Variants in KCNQ5 observed in about 807,000 individuals in gnomAD.
KCNQ5 encodes potassium voltage-gated channel subfamily Q member 5, also known as potassium voltage-gated channel subfamily KQT member 5.
A neutral mutation model predicts 98.2 loss-of-function variants in KCNQ5; 30 were observed. The observed-to-expected ratio is 0.31, with a 90% confidence interval of 0.23 to 0.41. The LOEUF (loss-of-function observed/expected upper bound fraction) is 0.41, where lower values mean the gene tolerates loss of function less well. KCNQ5 is among the 10% of genes least tolerant of loss of function. The pLI is 1.00. For missense variants in KCNQ5, 835 were observed against 1,182.5 expected (o/e 0.71, Z 4.31); for synonymous variants, 458 against 449.4 (o/e 1.02, Z -0.24).
intron 1 of KCNQ5, among the ~76,000 whole-genome samples, chr6:72,917,996 A>G (rs1394114901): frequency 6.6e-6 from 1 of 152,144 alleles, no homozygotes; most frequent in Non-Finnish European, 1.5e-5. Context: ...CACTAGACGC[A>G]ATAGCACCCC....
chr6:72,713,236 T>C (rs1428352612), intron 1 of KCNQ5, among the ~76,000 whole-genome samples: 1 of 152,188 alleles, frequency 6.6e-6, no homozygotes. Flanking sequence ...TGTTTCCACA[T>C]GAAAGCCAAA....
Position 72,743,598 on chromosome 6 carries a change from C to T in KCNQ5, c.398+121011C>T, listed in dbSNP as rs570952672. 2.0e-5 allele frequency among the ~76,000 whole-genome samples: 3 copies of T among 152,206 alleles called. No individual in the cohort carries two copies. The East Asian group carries it at 5.8e-4, about 29-fold the overall frequency. On this transcript the variant is annotated intron_variant, in intron 1 of 13. Transcript: ENST00000370398. ...ATGCTGCAGTAAACCCTTTTAAAAT[C>T]TAAATCCTCTCCTTACTATTAGGTC... is the stretch of plus-strand genomic sequence containing the variant.
At chr6:72,858,427 A>C (rs950584675) in intron 1 of KCNQ5, among the ~76,000 whole-genome samples, 5 of 151,932 alleles carry the variant, frequency 3.3e-5, no homozygotes, top group Middle Eastern at 3.4e-3. Flanking sequence ...ACACATATAA[A>C]TTTTTGGAGG....
At chr6:72,837,390 C>A (rs1202742410) in intron 1 of KCNQ5, among the ~76,000 whole-genome samples, 1 of 152,192 alleles carries the variant, frequency 6.6e-6, no homozygotes, top group Non-Finnish European at 1.5e-5. Context: ...TTGTCCAGAT[C>A]TGAATCCAGA....
chr6:72,803,768 A>C (rs1392171604), intron 1 of KCNQ5, among the ~76,000 whole-genome samples: 1 of 152,110 alleles, frequency 6.6e-6, no homozygotes, highest in Non-Finnish European at 1.5e-5. Context: ...GATCTTCCTC[A>C]TCTTTTTAAT....
intron 1 of KCNQ5, chr6:72,986,552 G>A: frequency 1.7e-6 from 1 of 585,484 alleles, no homozygotes; most frequent in Non-Finnish European, 3.1e-6. Context: ...TGCCTCTAGT[G>A]AAGAAAACAA....
intron 3 of KCNQ5, among the ~76,000 whole-genome samples, chr6:73,054,137 G>C (rs1410051473): frequency 6.6e-6 from 1 of 152,054 alleles, no homozygotes; most frequent in African/African-American, 2.4e-5. Context: ...TTCCAAGATT[G>C]AACCAGGAAG....
intron 1 of KCNQ5, among the ~76,000 whole-genome samples, chr6:72,771,652 C>CTGTGTGTGTGTGTGTG (rs150518788): frequency 2.1e-3 from 306 of 147,856 alleles, no homozygotes; most frequent in African/African-American, 2.6e-3. Context: ...AACCATTTCA[C>CTGTGTGTGTGTGTGTG]TGTGTGTGTG....
At chr6:73,183,628 A>C (rs1344761336) in intron 11 of KCNQ5, among the ~76,000 whole-genome samples, 2 of 152,196 alleles carry the variant, frequency 1.3e-5, no homozygotes, top group Non-Finnish European at 2.9e-5. Context: ...AAGGAGGACA[A>C]TACTAAATAC....
At chr6:72,874,367 A>G (rs974015019) in intron 1 of KCNQ5, among the ~76,000 whole-genome samples, 2 of 152,136 alleles carry the variant, frequency 1.3e-5, no homozygotes, top group Non-Finnish European at 2.9e-5. Flanking sequence ...CTTAGATCAG[A>G]TAAGGTAACA....
intron 1 of KCNQ5, among the ~76,000 whole-genome samples, chr6:72,778,879 T>C (rs1773305017): frequency 6.6e-6 from 1 of 152,218 alleles, no homozygotes; most frequent in South Asian, 2.1e-4. Context: ...ATCAATTGTA[T>C]TGAATATAGA....
intron 3 of KCNQ5, among the ~76,000 whole-genome samples, chr6:73,069,606 A>G (rs775238951): frequency 1.3e-5 from 2 of 152,114 alleles, no homozygotes; most frequent in Non-Finnish European, 2.9e-5. Context: ...GACTACTAGT[A>G]TAATCATGGG....
chr6:72,966,596 G>GAA (rs1245608922), intron 1 of KCNQ5, among the ~76,000 whole-genome samples: 1 of 151,054 alleles, frequency 6.6e-6, no homozygotes, highest in Non-Finnish European at 1.5e-5. Flanking sequence ...AAGAGAGAGA[G>GAA]AAAAAAAAGA....
At chr6:73,136,400 A>G (rs1033099990) in intron 10 of KCNQ5, among the ~76,000 whole-genome samples, 1 of 152,228 alleles carries the variant, frequency 6.6e-6, no homozygotes, top group East Asian at 1.9e-4. Flanking sequence ...TATTTTCAGT[A>G]TCTGCAAAGA....
intron 1 of KCNQ5, among the ~76,000 whole-genome samples, chr6:72,976,268 T>C (rs1235768959): frequency 1.4e-4 from 22 of 152,178 alleles, no homozygotes; most frequent in Admixed American, 1.4e-3. Flanking sequence ...CCTAATAAAT[T>C]TACAACCTTT....
chr6:73,041,029 T>C (rs527772656), intron 2 of KCNQ5, among the ~76,000 whole-genome samples: 5 of 152,346 alleles, frequency 3.3e-5, no homozygotes, highest in African/African-American at 1.2e-4. Context: ...AAATCTTGAA[T>C]CAACCCTCGT....
intron 1 of KCNQ5, among the ~76,000 whole-genome samples, chr6:72,797,658 G>A (rs1774412997): frequency 6.6e-6 from 1 of 152,094 alleles, no homozygotes; most frequent in African/African-American, 2.4e-5. Context: ...TTTTAATTGT[G>A]TAAGTAGGAT....
intron 1 of KCNQ5, among the ~76,000 whole-genome samples, chr6:72,782,568 C>T (rs963414281): frequency 6.6e-5 from 10 of 152,134 alleles, no homozygotes; most frequent in South Asian, 2.1e-4. Flanking sequence ...GGACACAGAA[C>T]GCAGATCATA....
intron 1 of KCNQ5, among the ~76,000 whole-genome samples, chr6:72,853,104 T>C (rs1777352836): frequency 6.6e-6 from 1 of 152,150 alleles, no homozygotes; most frequent in Non-Finnish European, 1.5e-5. Context: ...CTTAGGTAAA[T>C]AATTATGTTG....
Sources: allele counts gnomAD v4.1 joint callset (sites outside exome capture counted in the v4.1 genomes callset), GRCh38; gene constraint gnomAD v4.1.1; transcripts MANE v1.5; gene names NCBI Gene and HGNC (gene_info 2026-07-23, HGNC 2026-07-21).